Variants in SLC5A8 observed in about 807,000 individuals in gnomAD.
SLC5A8 encodes the protein sodium-coupled monocarboxylate transporter 1.
SLC5A8 carries 55 observed loss-of-function variants against 71.9 expected under a neutral mutation model. The observed-to-expected ratio is 0.77, with a 90% CI of 0.62 to 0.96. SLC5A8 has a LOEUF of 0.96. Among genes scored for constraint, SLC5A8 ranks in the 40% least tolerant of loss-of-function variants. The pLI is 0.00. For synonymous variants in SLC5A8, 307 were observed against 276.1 expected, an observed-to-expected ratio of 1.11 and a Z score of -1.11; for missense variants, 701 against 745.3, an observed-to-expected ratio of 0.94 and a Z score of 0.69.
chr12:101,157,698 T>G (rs1566302647), intron 14 of SLC5A8, among the ~76,000 whole-genome samples: 1 of 151,868 alleles, frequency 6.6e-6, no homozygotes, highest in Non-Finnish European at 1.5e-5. Flanking sequence ...TATCAGAGGA[T>G]AGACAGATAT....
At chr12:101,185,419 G>T (rs1360102760) in intron 7 of SLC5A8, among the ~76,000 whole-genome samples, 4 of 152,162 alleles carry the variant, frequency 2.6e-5, no homozygotes, top group Non-Finnish European at 5.9e-5. Context: ...TTTCGTATCT[G>T]AGTGGCCCCC....
chr12:101,168,119 A>G lies in SLC5A8; in HGVS notation c.1297T>C (p.Leu433=). 6.2e-7 allele frequency: 1 copy of G among 1,609,674 alleles called. No individual in the cohort carries two copies. Among genetic ancestry groups the G allele is most frequent in the Non-Finnish European group, 8.5e-7 (1 of 1,177,844 alleles). ...ACAATTGAGTTGGCAAAGGGAACCA[A>G]AATGCCCAAAGCGAACAGGCCCATA... ...PLMGLFALGI[L]VPFANSIGAL... The change falls in exon 11 of 15, where the codon TTG becomes CTG. Residue 433 remains leucine, a synonymous_variant. Coordinates refer to ENST00000536262, the MANE Select transcript of SLC5A8 (RefSeq NM_145913.5).
chr12:101,166,810 G>T, intron 11 of SLC5A8, 111 bp from the exon 12 acceptor site: 1 of 946,422 alleles, frequency 1.1e-6, no homozygotes, highest in Non-Finnish European at 1.5e-6. Flanking sequence ...ACTCACAAGG[G>T]CAGAAACATT....
At chr12:101,198,081 G>T (rs2137163998) in intron 3 of SLC5A8, among the ~76,000 whole-genome samples, 1 of 151,882 alleles carries the variant, frequency 6.6e-6, no homozygotes, top group South Asian at 2.1e-4. Context: ...AATAACCCAT[G>T]GGCAAAAGAA....
At chr12:101,161,605 T>G (rs1287349888) in intron 13 of SLC5A8, among the ~76,000 whole-genome samples, 1 of 152,188 alleles carries the variant, frequency 6.6e-6, no homozygotes, top group Non-Finnish European at 1.5e-5. Flanking sequence ...AAAATATGTG[T>G]AAAATCCCTA....
At chr12:101,201,103 G>A (rs538042270) in intron 3 of SLC5A8, among the ~76,000 whole-genome samples, 3 of 152,258 alleles carry the variant, frequency 2.0e-5, no homozygotes, top group South Asian at 4.1e-4. Context: ...CAGTCCTCTG[G>A]TAATTCCCAG....
chr12:101,174,703 T>C lies in SLC5A8; in HGVS notation c.1233+5326A>G, dbSNP rs189943227. Among the ~76,000 whole-genome samples the C allele has an allele frequency of 1.5e-3, 226 of 152,306 alleles. 2 individuals carry two copies. Among genetic ancestry groups the C allele is most frequent in the Non-Finnish European group, 2.4e-3 (161 of 68,022 alleles). On this transcript the variant is annotated intron_variant, in intron 10 of 14. Coordinates refer to ENST00000536262, the MANE Select transcript of SLC5A8 (RefSeq NM_145913.5). Reference sequence around the variant, plus strand: ...TTCAGTGGGCCTCATGCACTATCATTAATCTTATAGCCACAATATGTCTCA... The same window carrying C: ...TTCAGTGGGCCTCATGCACTATCATCAATCTTATAGCCACAATATGTCTCA...
chr12:101,194,903 G>A (rs1209704641), intron 4 of SLC5A8, among the ~76,000 whole-genome samples, 192 bp downstream of exon 4: 3 of 152,160 alleles, frequency 2.0e-5, no homozygotes, highest in Non-Finnish European at 4.4e-5. Flanking sequence ...AAAAATTTCA[G>A]TTATGCTCCA....
chr12:101,157,925 A>G (rs1194391576), intron 14 of SLC5A8, among the ~76,000 whole-genome samples: 2 of 152,196 alleles, frequency 1.3e-5, no homozygotes, highest in Non-Finnish European at 2.9e-5. Context: ...AGAGGGATAT[A>G]CAACAGATAT....
intron 12 of SLC5A8, among the ~76,000 whole-genome samples, chr12:101,165,861 G>A (rs2051765222): frequency 6.6e-6 from 1 of 152,080 alleles, no homozygotes; most frequent in Admixed American, 6.6e-5. Flanking sequence ...TTTAAAGCTG[G>A]ACACTTATAT....
intron 7 of SLC5A8, among the ~76,000 whole-genome samples, chr12:101,186,363 C>T (rs1868646083): frequency 6.6e-6 from 1 of 152,058 alleles, no homozygotes; most frequent in African/African-American, 2.4e-5. Flanking sequence ...TTTCTCGGCC[C>T]ACCAAGTTGT....
At position 101,156,038 on chromosome 12, in the gene SLC5A8, A is replaced by G. The variant is rs2051657532; in HGVS notation, c.*1241T>C. On this transcript the variant is annotated 3_prime_UTR_variant, in exon 15 of 15. Transcript: ENST00000536262. ...AATAAGTTATTGATGAACTCCTATA[A>G]CCAAACTCTTAGCTAGGAACATAGC... 6.6e-6 allele frequency: 1 copy of G among 152,152 alleles called. No individual in the cohort carries two copies. Among genetic ancestry groups the G allele is most frequent in the South Asian group, 2.1e-4 (1 of 4,830 alleles). The allele number at this position is 152,152 out of a possible 1,614,324, so 9.4% of individuals were successfully genotyped here. A position where few individuals can be genotyped will look rare whatever the true frequency, so the allele number is the denominator to read the frequency against.
rs1257056163 is a variant in SLC5A8 at position 101,155,972 on chromosome 12, A to G, written c.*1307T>C. 1 of 152,158 alleles carries G rather than the reference A, an allele frequency of 6.6e-6. No individual in the cohort carries two copies. Among genetic ancestry groups the G allele is most frequent in the Non-Finnish European group, 1.5e-5 (1 of 68,032 alleles). 9.4% of individuals were successfully genotyped at this position (152,158 alleles called of 1,614,324 possible). A position where few individuals can be genotyped will look rare whatever the true frequency, so the allele number is the denominator to read the frequency against. On this transcript the variant is annotated 3_prime_UTR_variant, in exon 15 of 15. Coordinates refer to ENST00000536262, the MANE Select transcript of SLC5A8 (RefSeq NM_145913.5). ...TTTCTAAAAAAAATTGAGTTTAAAA[A>G]AGAACTTTTAAACAGTATCTAATGT... is the stretch of plus-strand genomic sequence containing the variant.
intron 3 of SLC5A8, among the ~76,000 whole-genome samples, chr12:101,201,220 T>C (rs1869443072): frequency 6.6e-6 from 1 of 152,232 alleles, no homozygotes; most frequent in African/African-American, 2.4e-5. Flanking sequence ...CCACTTGTGA[T>C]GTTGGTAATA....
chr12:101,166,340 C>T (rs192242034), intron 12 of SLC5A8, among the ~76,000 whole-genome samples, 154 bp downstream of exon 12: 17 of 152,014 alleles, frequency 1.1e-4, no homozygotes, highest in Middle Eastern at 3.4e-3. Flanking sequence ...TTTTTGTTAC[C>T]GCTGCAGAAA....
chr12:101,172,053 CTG>C (rs1013622921), intron 10 of SLC5A8, among the ~76,000 whole-genome samples: 30 of 152,218 alleles, frequency 2.0e-4, no homozygotes, highest in African/African-American at 7.0e-4. Flanking sequence ...TCTGGGGACA[CTG>C]TGTGTGCTGA....
chr12:101,172,780 G>A (rs967654959), intron 10 of SLC5A8, among the ~76,000 whole-genome samples: 1 of 152,160 alleles, frequency 6.6e-6, no homozygotes, highest in African/African-American at 2.4e-5. Context: ...AGGGTGATGA[G>A]GACCTACAGA....
chr12:101,191,774 T>C (rs1244355955), intron 5 of SLC5A8, among the ~76,000 whole-genome samples: 1 of 152,174 alleles, frequency 6.6e-6, no homozygotes, highest in Admixed American at 6.6e-5. Context: ...TCAAAACATA[T>C]CAGAATAACA....
intron 3 of SLC5A8, among the ~76,000 whole-genome samples, chr12:101,195,695 C>CTTTTTTT (rs11338261): frequency 1.0e-5 from 1 of 97,452 alleles, no homozygotes; most frequent in Non-Finnish European, 1.9e-5. Context: ...ATGGTAATTC[C>CTTTTTTT]TTTTTTTTTT....
Sources: gnomAD v4.1 joint callset for allele counts (sites outside exome capture counted in the v4.1 genomes callset) on GRCh38, gnomAD v4.1.1 for gene constraint, MANE v1.5 for transcripts, NCBI Gene and HGNC (gene_info 2026-07-23, HGNC 2026-07-21) for gene names.